The following EBF1 variants were observed in gnomAD, a reference collection of about 807,000 sequenced individuals.
EBF1 encodes the protein transcription factor COE1.
Under a neutral mutation model 68.4 loss-of-function variants are expected in EBF1, and 10 were observed. The ratio of observed to expected loss-of-function variants is 0.15; its 90% CI spans 0.09 to 0.25. EBF1 has a LOEUF of 0.25. Among genes scored for constraint, EBF1 ranks in the 10% least tolerant of loss-of-function variants. The pLI is 1.00. For missense variants in EBF1, 509 were observed against 794.4 expected (o/e 0.64, Z 4.32); for synonymous variants, 298 against 299.8 (o/e 0.99, Z 0.06).
chr5:159,045,233 A>G (rs1486986693), intron 6 of EBF1, among the ~76,000 whole-genome samples: 1 of 152,016 alleles, frequency 6.6e-6, no homozygotes, highest in East Asian at 1.9e-4. Flanking sequence ...TTAAATTTTC[A>G]TGTGGAGAAG....
At chr5:158,761,214 T>A (rs1484023639) in intron 10 of EBF1, among the ~76,000 whole-genome samples, 2 of 152,216 alleles carry the variant, frequency 1.3e-5, no homozygotes, top group East Asian at 3.8e-4. Context: ...AGGAGATAAC[T>A]CTATGCACCT....
chr5:159,081,083 C>T (rs1306418778), intron 5 of EBF1, among the ~76,000 whole-genome samples: 4 of 152,138 alleles, frequency 2.6e-5, no homozygotes, highest in African/African-American at 9.7e-5. Flanking sequence ...TGGGCTCAAG[C>T]GATCCTCCCA....
At chr5:158,841,356 T>C (rs985258823) in intron 6 of EBF1, among the ~76,000 whole-genome samples, 4 of 152,208 alleles carry the variant, frequency 2.6e-5, no homozygotes, top group Admixed American at 2.6e-4. Context: ...ACCTTCTACC[T>C]GCCCAGGTTT....
intron 6 of EBF1, among the ~76,000 whole-genome samples, chr5:159,012,485 T>C (rs1037608188): frequency 6.6e-6 from 1 of 151,702 alleles, no homozygotes; most frequent in African/African-American, 2.4e-5. Flanking sequence ...GGAGAGTCTT[T>C]TTTTTTTTCT....
At chr5:158,798,810 T>C (rs1299186852) in intron 8 of EBF1, among the ~76,000 whole-genome samples, 1 of 152,170 alleles carries the variant, frequency 6.6e-6, no homozygotes, top group African/African-American at 2.4e-5. Flanking sequence ...CACCATTGTC[T>C]TAGTTTTAGA....
intron 7 of EBF1, among the ~76,000 whole-genome samples, chr5:158,834,634 C>T (rs912361064): frequency 1.3e-5 from 2 of 152,152 alleles, no homozygotes; most frequent in African/African-American, 4.8e-5. Flanking sequence ...CACTAATTGA[C>T]ACGACCTGTG....
At chr5:158,699,803 T>G (rs897458523) in intron 15 of EBF1, among the ~76,000 whole-genome samples, 1 of 152,210 alleles carries the variant, frequency 6.6e-6, no homozygotes, top group Non-Finnish European at 1.5e-5. Context: ...GTTTCGGGAA[T>G]GATCTGACCA....
chr5:158,956,212 G>A (rs1234752272), intron 6 of EBF1, among the ~76,000 whole-genome samples: 1 of 152,080 alleles, frequency 6.6e-6, no homozygotes, highest in African/African-American at 2.4e-5. Flanking sequence ...ACTTTGGAGC[G>A]ACACGGTGTG....
intron 10 of EBF1, among the ~76,000 whole-genome samples, chr5:158,763,648 G>A (rs890470361): frequency 2.0e-5 from 3 of 152,120 alleles, no homozygotes; most frequent in Non-Finnish European, 2.9e-5. Flanking sequence ...TTCCTTGAGA[G>A]TTTACTGAAA....
At chr5:159,093,134 A>G (rs1200491164) in intron 4 of EBF1, among the ~76,000 whole-genome samples, 1 of 152,172 alleles carries the variant, frequency 6.6e-6, no homozygotes, top group African/African-American at 2.4e-5. Flanking sequence ...ACGCTCATCT[A>G]TCTGCTTTTT....
chr5:158,722,340 A>G (rs528449820), intron 11 of EBF1, among the ~76,000 whole-genome samples: 6 of 152,342 alleles, frequency 3.9e-5, no homozygotes, highest in African/African-American at 1.4e-4. Flanking sequence ...CAAAAAGCCA[A>G]AAATTAACTA....
At position 159,095,617 on chromosome 5, in the gene EBF1, T is replaced by C. The variant is rs1405851225; in HGVS notation, c.411+3A>G. ...CCCCGTGGCCCAAAATCAAGAAACTTACTTGTTTTGTCATGGAGTCAATGA... is the reference window on the plus strand; with the variant it reads ...CCCCGTGGCCCAAAATCAAGAAACTCACTTGTTTTGTCATGGAGTCAATGA... On this transcript the variant is annotated splice_donor_region_variant and intron_variant, in intron 4 of 15. Transcript: ENST00000313708. 4 of 1,613,870 alleles carry C rather than the reference T, an allele frequency of 2.5e-6. No individual in the cohort carries two copies. Among genetic ancestry groups the C allele is most frequent in the Non-Finnish European group, 3.4e-6 (4 of 1,179,842 alleles).
intron 6 of EBF1, among the ~76,000 whole-genome samples, chr5:158,881,441 C>T (rs1798884387): frequency 6.6e-6 from 1 of 152,120 alleles, no homozygotes; most frequent in Non-Finnish European, 1.5e-5. Context: ...CTTGCCTGCC[C>T]CTGGCTACAG....
chr5:158,922,201 A>G (rs1305142511), intron 6 of EBF1, among the ~76,000 whole-genome samples: 2 of 152,192 alleles, frequency 1.3e-5, no homozygotes, highest in African/African-American at 4.8e-5. Context: ...CCTTCTTCCC[A>G]TCTGTCCTTG....
intron 8 of EBF1, among the ~76,000 whole-genome samples, chr5:158,822,303 TGG>T (rs1367948612): frequency 4.9e-4 from 74 of 151,628 alleles, no homozygotes; most frequent in African/African-American, 1.7e-3. Context: ...GATGGATGGA[TGG>T]ATGGATGGAT....
intron 8 of EBF1, among the ~76,000 whole-genome samples, chr5:158,814,967 C>CT (rs1783427150): frequency 6.6e-6 from 1 of 152,096 alleles, no homozygotes; most frequent in African/African-American, 2.4e-5. Flanking sequence ...AAAAGATATG[C>CT]TCTGGGCTAA....
At chr5:159,095,589 G>GCC (rs571276920) in intron 4 of EBF1, 31 bp downstream of exon 4, 1 of 1,612,382 alleles carries the variant, frequency 6.2e-7, no homozygotes, top group Non-Finnish European at 8.5e-7. Context: ...GTGACATAGA[G>GCC]CCCCCCGTGG....
At chr5:158,722,366 G>A (rs968613327) in intron 11 of EBF1, among the ~76,000 whole-genome samples, 6 of 152,184 alleles carry the variant, frequency 3.9e-5, no homozygotes, top group Admixed American at 2.6e-4. Flanking sequence ...GTTTCTCTTT[G>A]TCTTTTGGCT....
intron 6 of EBF1, among the ~76,000 whole-genome samples, chr5:159,068,484 A>G (rs1396843158): frequency 6.6e-6 from 1 of 152,156 alleles, no homozygotes; most frequent in Non-Finnish European, 1.5e-5. Flanking sequence ...CATATATGTT[A>G]TATAAATACA....
Sources: allele counts gnomAD v4.1 joint callset (sites outside exome capture counted in the v4.1 genomes callset), GRCh38; gene constraint gnomAD v4.1.1; transcripts MANE v1.5; gene names NCBI Gene and HGNC (gene_info 2026-07-23, HGNC 2026-07-21).